The following ATOH8 variants were observed in gnomAD, a reference collection of about 807,000 sequenced individuals.
ATOH8 encodes atonal bHLH transcription factor 8, also known as transcription factor ATOH8.
ATOH8 carries 9 observed loss-of-function variants against 21.2 expected under a neutral mutation model. The observed-to-expected ratio is 0.42, with a 90% CI of 0.26 to 0.74. The LOEUF (loss-of-function observed/expected upper bound fraction) is 0.74, where lower values mean the gene tolerates loss of function less well. Ranked by LOEUF, ATOH8 falls within the 30% of genes least tolerant of loss-of-function variation. The probability of loss-of-function intolerance (pLI) is 0.24; values close to 1 mark genes in which losing one functional copy is unlikely to be tolerated. For missense variants in ATOH8, 524 were observed against 470.9 expected, an observed-to-expected ratio of 1.11 and a Z score of -1.04; for synonymous variants, 253 against 224.0, an observed-to-expected ratio of 1.13 and a Z score of -1.16.
chr2:85,778,845 T>C (rs1267738486), intron 2 of ATOH8, among the ~76,000 whole-genome samples: 1 of 152,114 alleles, frequency 6.6e-6, no homozygotes, highest in Non-Finnish European at 1.5e-5. Context: ...TGGGGGTGTC[T>C]GTGTAAGGAT....
At chr2:85,758,277 A>G (rs72927002) in intron 1 of ATOH8, among the ~76,000 whole-genome samples, 250 of 152,352 alleles carry the variant, frequency 1.6e-3, no homozygotes, top group African/African-American at 5.5e-3. Context: ...TGAAATAGAT[A>G]TTATTGCACC....
chr2:85,777,638 GGCCCATCCAA>G (rs1373842227), intron 2 of ATOH8, among the ~76,000 whole-genome samples: 1 of 152,190 alleles, frequency 6.6e-6, no homozygotes, highest in Non-Finnish European at 1.5e-5. Flanking sequence ...ATTGGGAAAG[GGCCCATCCAA>G]GCTGTTTTGG....
chr2:85,764,988 A>G (rs1002869939), intron 2 of ATOH8, among the ~76,000 whole-genome samples: 1 of 152,216 alleles, frequency 6.6e-6, no homozygotes, highest in Non-Finnish European at 1.5e-5. Context: ...ACGAAGCCTG[A>G]TGTGGCTGGG....
chr2:85,786,983 CT>C lies in ATOH8; in HGVS notation c.*95del. 1 of 1,559,764 alleles carries C rather than the reference CT, an allele frequency of 6.4e-7. No individual in the cohort carries two copies. Among genetic ancestry groups the C allele is most frequent in the Non-Finnish European group, 8.8e-7 (1 of 1,136,070 alleles). ...AGCTCGCTGAGTCCAGCCTCGTGGT[CT>C]TCTCCAAGATGCCGCCAGATGCCCA... On this transcript the variant is annotated 3_prime_UTR_variant, in exon 3 of 3. Transcript: ENST00000306279.
chr2:85,763,856 G>GTA, intron 1 of ATOH8, 135 bp from the exon 2 acceptor site: 1 of 694,736 alleles, frequency 1.4e-6, no homozygotes. Context: ...GTGTGTGTGT[G>GTA]TAAACAGCAG....
chr2:85,770,162 G>A (rs1367660725), intron 2 of ATOH8, among the ~76,000 whole-genome samples: 2 of 152,156 alleles, frequency 1.3e-5, no homozygotes, highest in Admixed American at 6.5e-5. Context: ...GTATCACCTC[G>A]TGGGCTCCTC....
chr2:85,754,096 G>T lies in ATOH8; in HGVS notation c.-94G>T. On this transcript the variant is annotated 5_prime_UTR_variant, in exon 1 of 3. Transcript: ENST00000306279. ...GAGAAAGGGAGAGAGGGAGGGGGAG[G>T]GCGGGCGAAGCGGGAGAGCCAGAGA... 3 of 1,341,922 alleles carry T rather than the reference G, an allele frequency of 2.2e-6. No individual in the cohort carries two copies. Among genetic ancestry groups the T allele is most frequent in the Middle Eastern group, 2.7e-4 (1 of 3,688 alleles). The allele number at this position is 1,341,922 out of a possible 1,614,324, so 83.1% of individuals were successfully genotyped here.
intron 2 of ATOH8, among the ~76,000 whole-genome samples, chr2:85,776,991 A>G (rs899249407): frequency 6.6e-6 from 1 of 151,788 alleles, no homozygotes; most frequent in South Asian, 2.1e-4. Flanking sequence ...CCACACGCAC[A>G]CACAGGGGTT....
rs1010820561 is a variant in ATOH8, at chr2:85,754,014, G to A, written c.-176G>A. On this transcript the variant is annotated 5_prime_UTR_variant, in exon 1 of 3. Transcript: ENST00000306279. ...TCAGATGACACTCTGAGCGCTCCGG[G>A]AACGGACAGCCCGGCGGCTTCCCGA... is the stretch of plus-strand genomic sequence containing the variant. The A allele has an allele frequency of 1.5e-5, 10 of 655,514 alleles. No homozygotes were observed. The highest frequency in any genetic ancestry group is 2.4e-5 in the Non-Finnish European group (10 of 425,440). The allele number at this position is 655,514 out of a possible 1,614,324, so 40.6% of individuals were successfully genotyped here.
chr2:85,764,948 A>G lies in ATOH8; in HGVS notation c.960+766A>G, dbSNP rs756668788. Among the ~76,000 whole-genome samples, 214 of 152,030 alleles carry G rather than the reference A, an allele frequency of 1.4e-3. 1 individual carries two copies. Among genetic ancestry groups the G allele is most frequent in the Non-Finnish European group, 2.2e-3 (147 of 68,020 alleles). On this transcript the variant is annotated intron_variant, in intron 2 of 2. Transcript: ENST00000306279. ...GGTCACCAGGCAGATGAAGGAGGGA[A>G]CAGCATCTGAGGCAGAGGGAACAGC... is the stretch of plus-strand genomic sequence containing the variant.
In ATOH8 at chr2:85,771,038, C is replaced by T. The variant is rs116617581; in HGVS notation, c.960+6856C>T. 9.1e-3 allele frequency among the ~76,000 whole-genome samples: 1,391 copies of T among 152,292 alleles called. 23 individuals are homozygous for T. Among genetic ancestry groups the T allele is most frequent in the African/African-American group, 0.032 (1,309 of 41,546 alleles). The stretch of plus-strand genomic sequence containing the variant: ...CTGAGCCAAGATTCCCCTCTGGAAG[C>T]CCCTGTGGAGGCTCAGTGGCTCTCG... On this transcript the variant is annotated intron_variant, in intron 2 of 2. Coordinates refer to ENST00000306279, the MANE Select transcript of ATOH8 (RefSeq NM_032827.7).
Position 85,754,760 on chromosome 2 carries a change from T to G in ATOH8, c.571T>G (p.Ser191Ala). ...PAPPTRPGES[S>A]YSSISHVIYN... ...GCCCCCGACGCGCCCCGGGGAAAGT[T>G]CCTACTCGTCAATTTCACACGTAAT... The change falls in exon 1 of 3, where the codon TCC becomes GCC. Residue 191 changes from serine (S) to alanine (A), a missense_variant. Transcript: ENST00000306279. 6.2e-7 allele frequency: 1 copy of G among 1,612,868 alleles called. No individual in the cohort carries two copies.
rs534977043 is a variant in ATOH8 at position 85,790,997 on chromosome 2, G to A, written c.*4107G>A. On this transcript the variant is annotated 3_prime_UTR_variant, in exon 3 of 3. Coordinates refer to ENST00000306279, the MANE Select transcript of ATOH8 (RefSeq NM_032827.7). ...GTTGTTCTCGTCTTGCTCTCTTGCT[G>A]CCCTGCCACCTTCACAGCTGCTTTC... Among the ~76,000 whole-genome samples the A allele has an allele frequency of 9.0e-4, 137 of 152,196 alleles. 2 individuals carry two copies. The highest frequency in any genetic ancestry group is 2.1e-4 in the Non-Finnish European group (14 of 68,036).
intron 2 of ATOH8, 36 bp from the exon 3 acceptor site, chr2:85,786,849 C>CAGGGG: frequency 6.2e-7 from 1 of 1,613,644 alleles, no homozygotes; most frequent in South Asian, 1.1e-5. Flanking sequence ...CCAGGTGGAG[C>CAGGGG]AGGGGCAGCT....
chr2:85,787,975 C>A lies in ATOH8; in HGVS notation c.*1085C>A, dbSNP rs765219739. The A allele has an allele frequency of 2.0e-5, 3 of 152,652 alleles. No individual in the cohort carries two copies. Among genetic ancestry groups the A allele is most frequent in the Non-Finnish European group, 2.9e-5 (2 of 68,058 alleles). The allele number at this position is 152,652 out of a possible 1,614,324, so 9.5% of individuals were successfully genotyped here. On this transcript the variant is annotated 3_prime_UTR_variant, in exon 3 of 3. Coordinates refer to ENST00000306279, the MANE Select transcript of ATOH8 (RefSeq NM_032827.7). ...CTGCGTGTTCAAAGCCAAGGCCCGC[C>A]CCTTCCTTGTGCTCAAATGGCCAAA...
chr2:85,757,469 C>G (rs1428249793), intron 1 of ATOH8, among the ~76,000 whole-genome samples: 1 of 152,256 alleles, frequency 6.6e-6, no homozygotes, highest in Non-Finnish European at 1.5e-5. Context: ...GGCAGATCAG[C>G]TCCGCCTGAA....
intron 2 of ATOH8, among the ~76,000 whole-genome samples, chr2:85,768,120 C>T (rs1230821721): frequency 6.6e-6 from 1 of 152,116 alleles, no homozygotes; most frequent in Admixed American, 6.5e-5. Flanking sequence ...GGCCCCTCCA[C>T]CTGACTTCAG....
At position 85,754,754 on chromosome 2, in the gene ATOH8, G is replaced by C; in HGVS notation, c.565G>C (p.Glu189Gln). ...CCCTGCGCCCCCGACGCGCCCCGGG[G>C]AAAGTTCCTACTCGTCAATTTCACA... ...VRPAPPTRPG[E>Q]SSYSSISHVI... The change falls in exon 1 of 3, where the codon GAA becomes CAA. Residue 189 changes from glutamate to glutamine, a missense_variant. Glu to Gln is a conservative substitution (Grantham distance 29, BLOSUM62 2). Transcript: ENST00000306279. 1.2e-6 allele frequency: 2 copies of C among 1,612,842 alleles called. No individual in the cohort carries two copies. The highest frequency in any genetic ancestry group is 1.7e-4 in the Middle Eastern group (1 of 6,060).
intron 2 of ATOH8, among the ~76,000 whole-genome samples, chr2:85,784,266 C>T (rs1680570071): frequency 6.6e-6 from 1 of 152,154 alleles, no homozygotes; most frequent in African/African-American, 2.4e-5. Context: ...GTTGGGAAGG[C>T]TGGCTGCAGT....
Sources: allele counts gnomAD v4.1 joint callset (sites outside exome capture counted in the v4.1 genomes callset), GRCh38; gene constraint gnomAD v4.1.1; transcripts MANE v1.5; gene names NCBI Gene and HGNC (gene_info 2026-07-23, HGNC 2026-07-21).